The following CCDC60 variants were observed in gnomAD, a reference collection of about 807,000 sequenced individuals.
CCDC60 encodes coiled-coil domain-containing protein 60.
In CCDC60, 54 loss-of-function variants were observed where a neutral mutation model predicts 63.5. The ratio of observed to expected loss-of-function variants is 0.85; its 90% CI spans 0.68 to 1.07. The LOEUF (loss-of-function observed/expected upper bound fraction) is 1.07, where lower values mean the gene tolerates loss of function less well. Ranked by LOEUF, CCDC60 falls within the 50% of genes least tolerant of loss-of-function variation. The pLI is 0.00. For synonymous variants in CCDC60, 206 were observed against 238.8 expected, an observed-to-expected ratio of 0.86 and a Z score of 1.27; for missense variants, 651 against 684.3, an observed-to-expected ratio of 0.95 and a Z score of 0.54.
intron 2 of CCDC60, among the ~76,000 whole-genome samples, chr12:119,436,533 T>G (rs151292163): frequency 4.1e-4 from 52 of 125,848 alleles, no homozygotes; most frequent in African/African-American, 1.4e-3. Context: ...CCTTGAGTGA[T>G]GCCAATACTT....
intron 1 of CCDC60, among the ~76,000 whole-genome samples, chr12:119,365,578 A>G (rs889303978): frequency 6.6e-6 from 1 of 152,234 alleles, no homozygotes; most frequent in African/African-American, 2.4e-5. Context: ...AAGATCAGAG[A>G]AATACCAAGA....
chr12:119,514,622 CAA>C lies in CCDC60; in HGVS notation c.884-1998_884-1997del, dbSNP rs572804499. On this transcript the variant is annotated intron_variant, in intron 7 of 13. Transcript: ENST00000327554. ...GTTTGTTTTATGCTAAGTGTTATTA[CAA>C]AAGAGTCAAGAAATTTAAAAAATGT... Among the ~76,000 whole-genome samples the C allele has an allele frequency of 1.8e-3, 271 of 152,018 alleles. 3 individuals carry two copies. Among genetic ancestry groups the C allele is most frequent in the Admixed American group, 0.015 (232 of 15,252 alleles).
chr12:119,500,438 A>G (rs1022211135), intron 6 of CCDC60, among the ~76,000 whole-genome samples: 3 of 152,160 alleles, frequency 2.0e-5, no homozygotes, highest in Admixed American at 2.0e-4. Flanking sequence ...AGATGTCACC[A>G]GAAGGAAATG....
In CCDC60 at chr12:119,410,926, T is replaced by A. The variant is rs533711612; in HGVS notation, c.91-17757T>A. Among the ~76,000 whole-genome samples the A allele has an allele frequency of 1.3e-4, 20 of 148,474 alleles. No individual in the cohort carries two copies. On this transcript the variant is annotated intron_variant, in intron 1 of 13. Transcript: ENST00000327554. The surrounding 1 kb of genome is among the most constrained non-coding windows in gnomAD (Gnocchi z 4.0). ...CTCAGCTAATTTTTGTATTTTTTTT[T>A]AGTAGAGACAGGGTTTTGCCATGTT... is the stretch of plus-strand genomic sequence containing the variant.
chr12:119,350,212 T>TA (rs1955642358), intron 1 of CCDC60, among the ~76,000 whole-genome samples: 3 of 134,496 alleles, frequency 2.2e-5, no homozygotes, highest in Admixed American at 7.6e-5. Flanking sequence ...TTTATTTATT[T>TA]TTTGAGACAG....
chr12:119,399,455 G>T (rs1354212553), intron 1 of CCDC60, among the ~76,000 whole-genome samples: 2 of 152,164 alleles, frequency 1.3e-5, no homozygotes, highest in African/African-American at 4.8e-5. Flanking sequence ...CAAATGAGTG[G>T]CCAATTTCTT....
intron 1 of CCDC60, among the ~76,000 whole-genome samples, chr12:119,360,929 C>G (rs1955782064): frequency 6.6e-6 from 1 of 152,184 alleles, no homozygotes; most frequent in African/African-American, 2.4e-5. Flanking sequence ...CGGTTAGGAG[C>G]TGGAGACCAG....
intron 7 of CCDC60, among the ~76,000 whole-genome samples, chr12:119,506,480 G>C (rs996571456): frequency 1.3e-5 from 2 of 151,482 alleles, no homozygotes; most frequent in African/African-American, 4.9e-5. Flanking sequence ...ATGCATGGTG[G>C]TGTGTGCCTG....
At chr12:119,536,886 G>A (rs965855749) in intron 13 of CCDC60, among the ~76,000 whole-genome samples, 13 of 152,084 alleles carry the variant, frequency 8.5e-5, no homozygotes, top group African/African-American at 2.7e-4. Flanking sequence ...ACAATTATGT[G>A]TCTTGGGCTT....
chr12:119,391,883 C>A (rs1956166067), intron 1 of CCDC60, among the ~76,000 whole-genome samples: 1 of 152,096 alleles, frequency 6.6e-6, no homozygotes, highest in African/African-American at 2.4e-5. Flanking sequence ...CCGCAGCATA[C>A]CAGTGAGTTG....
chr12:119,386,788 G>A (rs766334939), intron 1 of CCDC60, among the ~76,000 whole-genome samples: 33 of 152,262 alleles, frequency 2.2e-4, no homozygotes, highest in Admixed American at 1.0e-3. Flanking sequence ...AGGCAATTAC[G>A]AAACAGTCCG....
chr12:119,421,858 C>T (rs1956818731), intron 1 of CCDC60, among the ~76,000 whole-genome samples: 1 of 152,174 alleles, frequency 6.6e-6, no homozygotes. Flanking sequence ...TAAACCACAC[C>T]ACTTCCCGAT....
intron 1 of CCDC60, among the ~76,000 whole-genome samples, chr12:119,346,830 TTC>T (rs1491468285): frequency 1.3e-4 from 15 of 116,294 alleles, no homozygotes; most frequent in Admixed American, 4.3e-4. Context: ...CTTTCTTTCT[TTC>T]TTTTTTTTTT....
chr12:119,450,515 T>C (rs784841), intron 2 of CCDC60, among the ~76,000 whole-genome samples: 135,582 of 152,210 alleles, frequency 0.89, 60,780 homozygotes, highest in East Asian at 1. Context: ...GATGAAGAAG[T>C]GCATGGCTGT....
chr12:119,537,704 T>C lies in CCDC60; in HGVS notation c.1552-2910T>C, dbSNP rs188301190. On this transcript the variant is annotated intron_variant, in intron 13 of 13. Coordinates refer to ENST00000327554, the MANE Select transcript of CCDC60 (RefSeq NM_178499.5). Reference sequence around the variant, plus strand: ...CAGGTCTGTTGGAGTTTGCTGGAGGTCCACTCCAGACCCTGTTTGCCTGGG... The same window carrying C: ...CAGGTCTGTTGGAGTTTGCTGGAGGCCCACTCCAGACCCTGTTTGCCTGGG... 1.8e-3 allele frequency among the ~76,000 whole-genome samples: 277 copies of C among 151,800 alleles called. 1 individual carries two copies. In the Middle Eastern group the frequency reaches 0.024, roughly 13 times the overall value.
intron 1 of CCDC60, among the ~76,000 whole-genome samples, chr12:119,377,187 G>A (rs112217947): frequency 4.7e-4 from 71 of 150,054 alleles, no homozygotes; most frequent in African/African-American, 1.6e-3. Context: ...CTTGGGAGGC[G>A]GAGGTTGCAG....
Position 119,472,771 on chromosome 12 carries a change from C to T in CCDC60, c.341+607C>T, listed in dbSNP as rs1409306561. On this transcript the variant is annotated intron_variant, in intron 3 of 13. Coordinates refer to ENST00000327554, the MANE Select transcript of CCDC60 (RefSeq NM_178499.5). ...AATTTTTTTGTATTTTTAATAGAGA[C>T]GGGGTTTCACTGTGTTGGCCAGGCT... Among the ~76,000 whole-genome samples, 10 of 151,872 alleles carry T rather than the reference C, an allele frequency of 6.6e-5. No homozygotes were observed. The East Asian group carries it at 1.6e-3, about 24-fold the overall frequency.
intron 2 of CCDC60, among the ~76,000 whole-genome samples, chr12:119,430,308 G>A (rs937471820): frequency 6.6e-6 from 1 of 152,082 alleles, no homozygotes; most frequent in African/African-American, 2.4e-5. Flanking sequence ...AAGTCAAAGG[G>A]TGGAGCCTTA....
chr12:119,361,231 A>G (rs1955788183), intron 1 of CCDC60, among the ~76,000 whole-genome samples: 1 of 151,870 alleles, frequency 6.6e-6, no homozygotes. Context: ...GCTCAAGTCT[A>G]TCACAGGTCT....
Sources: gnomAD v4.1 joint callset for allele counts (sites outside exome capture counted in the v4.1 genomes callset) on GRCh38, gnomAD v4.1.1 for gene constraint, Gnocchi (gnomAD v3.1) non-coding constraint, MANE v1.5 for transcripts, NCBI Gene and HGNC (gene_info 2026-07-23, HGNC 2026-07-21) for gene names.